The following DOCK2 variants were observed in gnomAD, a reference collection of about 807,000 sequenced individuals.
DOCK2 encodes the protein dedicator of cytokinesis 2.
A neutral mutation model predicts 248.9 loss-of-function variants in DOCK2; 87 were observed. The ratio of observed to expected loss-of-function variants is 0.35; its 90% CI spans 0.29 to 0.42. DOCK2 has a LOEUF of 0.42. Ranked by LOEUF, DOCK2 falls within the 10% of genes least tolerant of loss-of-function variation. DOCK2 has a pLI of 1.00. For synonymous variants in DOCK2, 805 were observed against 821.6 expected (o/e 0.98, Z 0.35); for missense variants, 1,747 against 2,300.2 (o/e 0.76, Z 4.92).
intron 27 of DOCK2, among the ~76,000 whole-genome samples, chr5:169,863,385 G>A (rs1771327869): frequency 6.6e-6 from 1 of 152,334 alleles, no homozygotes; most frequent in East Asian, 1.9e-4. Flanking sequence ...CTCATAAGAT[G>A]TAACTGATGG....
chr5:169,773,136 T>C (rs1482722727), intron 25 of DOCK2: 1 of 152,172 alleles, frequency 6.6e-6, no homozygotes, highest in African/African-American at 2.4e-5. Context: ...AATCCTCTCT[T>C]CCTGTTCTGA....
chr5:169,726,072 G>A (rs1762457585), intron 22 of DOCK2, among the ~76,000 whole-genome samples: 1 of 152,118 alleles, frequency 6.6e-6, no homozygotes, highest in Non-Finnish European at 1.5e-5. Context: ...GATCCTTGAG[G>A]AATCGCCACA....
intron 23 of DOCK2, among the ~76,000 whole-genome samples, chr5:169,750,499 A>G (rs553963268): frequency 6.6e-6 from 1 of 152,260 alleles, no homozygotes; most frequent in African/African-American, 2.4e-5. Context: ...ATTGTCTGCA[A>G]AAGAACAAAT....
intron 30 of DOCK2, among the ~76,000 whole-genome samples, chr5:170,002,501 T>C (rs1379134363): frequency 6.6e-6 from 1 of 152,232 alleles, no homozygotes; most frequent in Admixed American, 6.5e-5. Context: ...AACATTCTCT[T>C]CTGAGGAATT....
intron 27 of DOCK2, among the ~76,000 whole-genome samples, chr5:169,865,192 G>T (rs1241957910): frequency 3.3e-5 from 5 of 152,268 alleles, no homozygotes; most frequent in South Asian, 2.1e-4. Context: ...CGTTGTTGTT[G>T]TTGTTGGCTA....
chr5:169,807,825 C>A, intron 26 of DOCK2, among the ~76,000 whole-genome samples: 1 of 70,060 alleles, frequency 1.4e-5, no homozygotes. Flanking sequence ...CAGAGCAAGA[C>A]TCTGTCTCAA....
chr5:170,047,452 G>A lies in DOCK2; in HGVS notation c.3967-58G>A, dbSNP rs944356238. 3.6e-5 allele frequency: 55 copies of A among 1,515,222 alleles called. 1 individual carries two copies. Among genetic ancestry groups the A allele is most frequent in the Admixed American group, 7.1e-5 (4 of 56,470 alleles). The allele number at this position is 1,515,222 out of a possible 1,614,324, so 93.9% of individuals were successfully genotyped here. A position where few individuals can be genotyped will look rare whatever the true frequency, so the allele number is the denominator to read the frequency against. On this transcript the variant is annotated intron_variant, in intron 39 of 51. Transcript: ENST00000520908. ...AATGTCTTCACCAAGGCCTCTTTGA[G>A]TTGAATGTGCCTTTGATACACATCT...
intron 51 of DOCK2, 142 bp downstream of exon 51, chr5:170,082,126 G>A: frequency 8.2e-7 from 1 of 1,214,658 alleles, no homozygotes; most frequent in Non-Finnish European, 1.1e-6. Flanking sequence ...CTGAGTTCTG[G>A]GACACTGTGC....
intron 27 of DOCK2, among the ~76,000 whole-genome samples, chr5:169,922,582 GT>G (rs765420666): frequency 6.6e-6 from 1 of 152,202 alleles, no homozygotes; most frequent in Non-Finnish European, 1.5e-5. Context: ...AGGATTTGCA[GT>G]TTAGAGAATA....
chr5:169,777,147 T>G (rs1765428255), intron 25 of DOCK2, among the ~76,000 whole-genome samples: 1 of 152,232 alleles, frequency 6.6e-6, no homozygotes, highest in African/African-American at 2.4e-5. Context: ...CCCTTTTCCC[T>G]ACTTTTCAAA....
chr5:169,676,490 C>T (rs531810000), intron 6 of DOCK2, among the ~76,000 whole-genome samples: 198 of 152,282 alleles, frequency 1.3e-3, no homozygotes, highest in African/African-American at 4.5e-3. Context: ...AGGGATGCTC[C>T]GTGGCACAGA....
intron 34 of DOCK2, 51 bp from the exon 35 acceptor site, chr5:170,034,348 A>G (rs1424221614): frequency 6.2e-7 from 1 of 1,606,214 alleles, no homozygotes; most frequent in African/African-American, 1.3e-5. Context: ...TGGCCCCAGC[A>G]CAGTCTTTCT....
chr5:169,830,459 A>G (rs1190687209), intron 26 of DOCK2, among the ~76,000 whole-genome samples: 1 of 152,240 alleles, frequency 6.6e-6, no homozygotes, highest in African/African-American at 2.4e-5. Context: ...TAAGAATTCA[A>G]CAAATTTAGT....
chr5:169,758,209 G>T (rs1764295543), intron 23 of DOCK2, among the ~76,000 whole-genome samples: 1 of 152,190 alleles, frequency 6.6e-6, no homozygotes, highest in Non-Finnish European at 1.5e-5. Flanking sequence ...GAGAAGGCAG[G>T]ATGCCACTGG....
At chr5:169,731,574 A>T (rs1561645240) in intron 22 of DOCK2, among the ~76,000 whole-genome samples, 1 of 152,166 alleles carries the variant, frequency 6.6e-6, no homozygotes. Flanking sequence ...AAAACGGACT[A>T]ATACAGACCC....
chr5:170,012,410 G>T (rs933645385), intron 32 of DOCK2, among the ~76,000 whole-genome samples: 4 of 152,126 alleles, frequency 2.6e-5, no homozygotes, highest in Non-Finnish European at 4.4e-5. Flanking sequence ...TTGTTTTAAG[G>T]CCAGAAGCAA....
rs1316389734 is a variant in DOCK2, at chr5:169,716,084, G to A, written c.1942-129G>A. 8 of 812,824 alleles carry A rather than the reference G, an allele frequency of 9.8e-6. No homozygotes were observed. The East Asian group carries it at 2.2e-4, about 22-fold the overall frequency. The allele number at this position is 812,824 out of a possible 1,614,324, so 50.4% of individuals were successfully genotyped here. ...GGCTCTCGTGAGTAAAACTACTCTA[G>A]ACGTTTTGAGCATGACATGTGGTGG... is the stretch of plus-strand genomic sequence containing the variant. On this transcript the variant is annotated intron_variant, in intron 19 of 51. Transcript: ENST00000520908.
intron 27 of DOCK2, among the ~76,000 whole-genome samples, chr5:169,945,430 A>G (rs1031756593): frequency 1.3e-5 from 2 of 152,294 alleles, no homozygotes; most frequent in Non-Finnish European, 2.9e-5. Context: ...TAAACTCAAC[A>G]GAAATGCTAA....
At chr5:169,870,653 G>A (rs926538688) in intron 27 of DOCK2, among the ~76,000 whole-genome samples, 1 of 151,750 alleles carries the variant, frequency 6.6e-6, no homozygotes, top group Non-Finnish European at 1.5e-5. Context: ...TGCACAATGT[G>A]CAGGTTTGTT....
Sources: allele counts gnomAD v4.1 joint callset (sites outside exome capture counted in the v4.1 genomes callset), GRCh38; gene constraint gnomAD v4.1.1; transcripts MANE v1.5; gene names NCBI Gene and HGNC (gene_info 2026-07-23, HGNC 2026-07-21).